Variants in FTO observed in about 807,000 individuals in gnomAD.
FTO encodes alpha-ketoglutarate-dependent dioxygenase FTO.
Under a neutral mutation model 63.9 loss-of-function variants are expected in FTO, and 47 were observed. The observed-to-expected ratio is 0.74, with a 90% CI of 0.58 to 0.94. The LOEUF is 0.94. FTO is among the 40% of genes least tolerant of loss of function. The pLI is 0.00. For missense variants in FTO, 562 were observed against 618.1 expected, an observed-to-expected ratio of 0.91 and a Z score of 0.96; for synonymous variants, 207 against 224.4, an observed-to-expected ratio of 0.92 and a Z score of 0.69.
At chr16:54,077,560 T>C (rs1367419531) in intron 8 of FTO, among the ~76,000 whole-genome samples, 1 of 152,200 alleles carries the variant, frequency 6.6e-6, no homozygotes, top group Non-Finnish European at 1.5e-5. Context: ...GTTTCTCATA[T>C]GATTGCCACC....
rs187810555 is a variant in FTO, at chr16:54,024,161, G to C, written c.1365-87601G>C. On this transcript the variant is annotated intron_variant, in intron 8 of 8. Coordinates refer to ENST00000471389, the MANE Select transcript of FTO (RefSeq NM_001080432.3). ...TTACAAATGGAATTATTAAGTAAAA[G>C]GTATAAGTGTTTGTATGGCTTTTAC... Among the ~76,000 whole-genome samples the C allele has an allele frequency of 1.4e-3, 212 of 152,162 alleles. 1 individual carries two copies. The highest frequency in any genetic ancestry group is 2.4e-3 in the Non-Finnish European group (163 of 67,998).
At chr16:54,074,689 C>T (rs748686619) in intron 8 of FTO, among the ~76,000 whole-genome samples, 1 of 151,938 alleles carries the variant, frequency 6.6e-6, no homozygotes, top group Non-Finnish European at 1.5e-5. Flanking sequence ...GGATGAATAT[C>T]CTTGTCTAAA....
intron 8 of FTO, chr16:53,937,447 T>C (rs2082415438): frequency 2.5e-6 from 1 of 393,518 alleles, no homozygotes; most frequent in East Asian, 3.6e-5. Context: ...CAAAGGTCAG[T>C]CTGCAGCTAA....
chr16:53,903,469 G>T (rs1017916674), intron 7 of FTO, among the ~76,000 whole-genome samples: 6 of 152,060 alleles, frequency 3.9e-5, no homozygotes, highest in Admixed American at 1.3e-4. Context: ...ATGTTGGCTA[G>T]ACTAGTCTCA....
At chr16:53,717,300 A>G (rs2075917338) in intron 1 of FTO, among the ~76,000 whole-genome samples, 1 of 152,100 alleles carries the variant, frequency 6.6e-6, no homozygotes, top group Non-Finnish European at 1.5e-5. Flanking sequence ...ACTGGGAATT[A>G]TCAGAAAACA....
chr16:53,948,554 A>C (rs2082702033), intron 8 of FTO, among the ~76,000 whole-genome samples: 1 of 152,282 alleles, frequency 6.6e-6, no homozygotes, highest in Non-Finnish European at 1.5e-5. Flanking sequence ...GCGGACATTC[A>C]CACTTTGTCT....
intron 1 of FTO, among the ~76,000 whole-genome samples, chr16:53,765,990 G>A (rs1263946605): frequency 1.3e-5 from 2 of 152,162 alleles, no homozygotes; most frequent in African/African-American, 4.8e-5. Context: ...GTGGCTCTGC[G>A]TGAGGAATAT....
At chr16:54,011,529 C>A (rs1259244780) in intron 8 of FTO, among the ~76,000 whole-genome samples, 1 of 152,106 alleles carries the variant, frequency 6.6e-6, no homozygotes, top group African/African-American at 2.4e-5. Context: ...TTTTACTGGG[C>A]TTCACTTTCT....
At chr16:54,057,768 G>A (rs1188946898) in intron 8 of FTO, among the ~76,000 whole-genome samples, 1 of 152,110 alleles carries the variant, frequency 6.6e-6, no homozygotes, top group Admixed American at 6.5e-5. Flanking sequence ...ATAAATGCAA[G>A]TTTCACTGTG....
intron 5 of FTO, among the ~76,000 whole-genome samples, chr16:53,874,216 G>C (rs919924030): frequency 3.3e-5 from 5 of 152,174 alleles, no homozygotes; most frequent in African/African-American, 4.8e-5. Context: ...TTTTATGCTT[G>C]TGCATGTGTT....
At chr16:53,913,124 G>C (rs980772119) in intron 7 of FTO, among the ~76,000 whole-genome samples, 1 of 152,148 alleles carries the variant, frequency 6.6e-6, no homozygotes, top group Non-Finnish European at 1.5e-5. Flanking sequence ...TGAATTGTGT[G>C]GTCTTTTATA....
intron 8 of FTO, among the ~76,000 whole-genome samples, chr16:53,939,593 G>A (rs890415748): frequency 6.6e-6 from 1 of 152,060 alleles, no homozygotes; most frequent in Non-Finnish European, 1.5e-5. Flanking sequence ...ATGAAACCCG[G>A]CATCTGTTAA....
intron 2 of FTO, among the ~76,000 whole-genome samples, chr16:53,820,318 A>G (rs375764879): frequency 5.3e-5 from 8 of 152,058 alleles, no homozygotes; most frequent in Non-Finnish European, 1.0e-4. Flanking sequence ...CACTAGTACT[A>G]TCTTCTTTTA....
intron 1 of FTO, among the ~76,000 whole-genome samples, chr16:53,712,259 A>C (rs946690210): frequency 5.3e-5 from 8 of 152,238 alleles, no homozygotes; most frequent in African/African-American, 1.9e-4. Flanking sequence ...TTATGTCACC[A>C]GTTTATCTAA....
intron 8 of FTO, among the ~76,000 whole-genome samples, chr16:54,053,264 C>T (rs1174730266): frequency 6.6e-6 from 1 of 152,216 alleles, no homozygotes; most frequent in Non-Finnish European, 1.5e-5. Flanking sequence ...TCTTAACTCA[C>T]AGATGGGCTA....
Position 53,825,911 on chromosome 16 carries a change from A to G in FTO, c.171A>G (p.Val57=). The G allele has an allele frequency of 6.2e-7, 1 of 1,614,210 alleles. No homozygotes were observed. Among genetic ancestry groups the G allele is most frequent in the Non-Finnish European group, 8.5e-7 (1 of 1,180,050 alleles). ...PKLILREASS[V]SEELHKEVQE... ...TAATTCTCCGAGAAGCCAGCAGTGT[A>G]TCTGAGGAGCTCCATAAAGAGGTTC... The change falls in exon 3 of 9, where the codon GTA becomes GTG. Residue 57 remains valine (V), a synonymous_variant. Coordinates refer to ENST00000471389, the MANE Select transcript of FTO (RefSeq NM_001080432.3).
chr16:54,036,152 A>G (rs1378707972), intron 8 of FTO, among the ~76,000 whole-genome samples: 3 of 152,196 alleles, frequency 2.0e-5, no homozygotes, highest in Non-Finnish European at 2.9e-5. Context: ...GCAAAGCACA[A>G]AAAAAGCTCA....
intron 1 of FTO, among the ~76,000 whole-genome samples, chr16:53,726,492 T>C (rs1304165627): frequency 6.6e-6 from 1 of 152,214 alleles, no homozygotes; most frequent in African/African-American, 2.4e-5. Context: ...GCTACCTCTG[T>C]GTCTAAAAGC....
intron 1 of FTO, among the ~76,000 whole-genome samples, chr16:53,795,812 A>G (rs988264425): frequency 2.0e-5 from 3 of 152,206 alleles, no homozygotes; most frequent in African/African-American, 2.4e-5. Flanking sequence ...AAGACAGGAG[A>G]ATAATATACT....
Sources: gnomAD v4.1 joint callset for allele counts (sites outside exome capture counted in the v4.1 genomes callset) on GRCh38, gnomAD v4.1.1 for gene constraint, MANE v1.5 for transcripts, NCBI Gene and HGNC (gene_info 2026-07-23, HGNC 2026-07-21) for gene names.